The following MARCHF1 variants were observed in gnomAD, a reference collection of about 807,000 sequenced individuals.
MARCHF1 encodes E3 ubiquitin-protein ligase MARCHF1.
Under a neutral mutation model 54.2 loss-of-function variants are expected in MARCHF1, and 40 were observed. The observed-to-expected ratio is 0.74, with a 90% confidence interval of 0.57 to 0.96. The LOEUF (loss-of-function observed/expected upper bound fraction) is 0.96. MARCHF1 is among the 40% of genes least tolerant of loss of function. MARCHF1 has a pLI of 0.00. For missense variants in MARCHF1, 586 were observed against 656.5 expected (o/e 0.89, Z 1.17); for synonymous variants, 236 against 236.3 (o/e 1.00, Z 0.01).
chr4:163,796,286 G>GCACGATCA (rs1478277444), intron 4 of MARCHF1, among the ~76,000 whole-genome samples: 2 of 145,938 alleles, frequency 1.4e-5, no homozygotes, highest in Non-Finnish European at 3.0e-5. Context: ...GAGTGCAGTG[G>GCACGATCA]CACGATCACA....
intron 1 of MARCHF1, among the ~76,000 whole-genome samples, chr4:164,312,788 T>A (rs1031743743): frequency 6.6e-6 from 1 of 152,106 alleles, no homozygotes; most frequent in Non-Finnish European, 1.5e-5. Context: ...CTTTTTCAAA[T>A]TGAATTCAAG....
At chr4:163,667,676 A>T (rs576312985) in intron 5 of MARCHF1, among the ~76,000 whole-genome samples, 1 of 151,302 alleles carries the variant, frequency 6.6e-6, no homozygotes, top group East Asian at 2.0e-4. Flanking sequence ...CCCAGGTTGG[A>T]GTACAGTGGC....
At chr4:164,342,577 T>C (rs1435981793) in intron 1 of MARCHF1, among the ~76,000 whole-genome samples, 1 of 151,304 alleles carries the variant, frequency 6.6e-6, no homozygotes, top group African/African-American at 2.4e-5. Flanking sequence ...ATAAAATAAA[T>C]AAAACTACAA....
intron 5 of MARCHF1, among the ~76,000 whole-genome samples, chr4:163,632,499 A>G (rs922875052): frequency 1.1e-4 from 16 of 152,160 alleles, no homozygotes; most frequent in Admixed American, 2.6e-4. Context: ...GGCACCTGGA[A>G]AATCGGGTCA....
intron 4 of MARCHF1, among the ~76,000 whole-genome samples, chr4:163,748,180 A>C (rs970648822): frequency 6.6e-6 from 1 of 152,090 alleles, no homozygotes; most frequent in Admixed American, 6.6e-5. Flanking sequence ...AGCTACCTTC[A>C]GCTATTCTCC....
chr4:163,731,716 C>T (rs1745835686), intron 4 of MARCHF1, among the ~76,000 whole-genome samples: 1 of 152,174 alleles, frequency 6.6e-6, no homozygotes, highest in Non-Finnish European at 1.5e-5. Context: ...AGGAATCACT[C>T]AAAAGGATTA....
intron 1 of MARCHF1, among the ~76,000 whole-genome samples, chr4:164,162,701 T>A (rs1253206658): frequency 1.3e-5 from 2 of 151,730 alleles, no homozygotes; most frequent in Non-Finnish European, 2.9e-5. Context: ...GACAATGAAG[T>A]GGGGGAAAAA....
At chr4:163,942,888 C>T (rs1560829493) in intron 3 of MARCHF1, among the ~76,000 whole-genome samples, 1 of 151,856 alleles carries the variant, frequency 6.6e-6, no homozygotes, top group Non-Finnish European at 1.5e-5. Context: ...AACCAATATC[C>T]CCCTTCAATG....
At chr4:163,857,726 A>G (rs745543171) in intron 3 of MARCHF1, among the ~76,000 whole-genome samples, 3 of 152,180 alleles carry the variant, frequency 2.0e-5, no homozygotes, top group Non-Finnish European at 4.4e-5. Flanking sequence ...ATGCCAAGAA[A>G]TTGGGTGTAT....
At chr4:163,847,752 T>C (rs951997495) in intron 4 of MARCHF1, among the ~76,000 whole-genome samples, 7 of 151,776 alleles carry the variant, frequency 4.6e-5, no homozygotes, top group Non-Finnish European at 4.4e-5. Context: ...GGCTAACTTT[T>C]TGTATTTTAT....
chr4:163,582,529 G>C (rs1740264374), intron 8 of MARCHF1, among the ~76,000 whole-genome samples: 1 of 152,158 alleles, frequency 6.6e-6, no homozygotes, highest in African/African-American at 2.4e-5. Context: ...ACCTTTCTAT[G>C]CAGAATTATA....
At chr4:164,301,627 T>C (rs564404243) in intron 1 of MARCHF1, among the ~76,000 whole-genome samples, 2 of 151,854 alleles carry the variant, frequency 1.3e-5, no homozygotes, top group East Asian at 3.9e-4. Context: ...AAATGCTGAG[T>C]CAATAAAAAA....
chr4:164,095,010 G>A (rs1325537414), intron 2 of MARCHF1, among the ~76,000 whole-genome samples: 3 of 152,046 alleles, frequency 2.0e-5, no homozygotes, highest in Admixed American at 1.3e-4. Context: ...TCCCATTAAA[G>A]TCTCAAGTTG....
At chr4:164,273,933 A>T (rs1733805660) in intron 1 of MARCHF1, among the ~76,000 whole-genome samples, 1 of 152,100 alleles carries the variant, frequency 6.6e-6, no homozygotes, top group African/African-American at 2.4e-5. Context: ...TTTTGTAAGG[A>T]ATTAATAAAT....
intron 2 of MARCHF1, among the ~76,000 whole-genome samples, chr4:164,004,195 T>A (rs141216654): frequency 6.6e-6 from 1 of 152,018 alleles, no homozygotes; most frequent in Non-Finnish European, 1.5e-5. Context: ...CTTAAAAATC[T>A]GGGTGATGGG....
At chr4:164,035,510 A>C (rs11935788) in intron 2 of MARCHF1, among the ~76,000 whole-genome samples, 70,515 of 151,158 alleles carry the variant, frequency 0.47, 18,078 homozygotes, top group Non-Finnish European at 0.57. Context: ...TAAAGTATAC[A>C]CATATTCATT....
Position 164,114,343 on chromosome 4 carries a change from T to C in MARCHF1, c.-322-2681A>G, listed in dbSNP as rs574295855. On this transcript the variant is annotated intron_variant, in intron 1 of 9. Transcript: ENST00000514618. ...CCATTCACATTATTTTCTTATTGTT[T>C]ATTGTAACATTAAGGTTTTTCTGAG... Among the ~76,000 whole-genome samples the C allele has an allele frequency of 3.1e-3, 468 of 152,008 alleles. 1 individual carries two copies. The highest frequency in any genetic ancestry group is 0.011 in the African/African-American group (442 of 41,548).
chr4:164,213,674 T>C (rs1731845425), intron 1 of MARCHF1, among the ~76,000 whole-genome samples: 2 of 152,230 alleles, frequency 1.3e-5, no homozygotes, highest in African/African-American at 2.4e-5. Context: ...ATTTAACAAA[T>C]TTAAAATGTA....
chr4:163,821,037 C>T (rs1213456160), intron 4 of MARCHF1, among the ~76,000 whole-genome samples: 1 of 152,058 alleles, frequency 6.6e-6, no homozygotes, highest in Non-Finnish European at 1.5e-5. Context: ...CTGGCTCCAC[C>T]TCTCTAACTT....
Sources: allele counts gnomAD v4.1 joint callset (sites outside exome capture counted in the v4.1 genomes callset), GRCh38; gene constraint gnomAD v4.1.1; transcripts MANE v1.5; gene names NCBI Gene and HGNC (gene_info 2026-07-23, HGNC 2026-07-21).